Variants in TNFRSF11A observed in about 807,000 individuals in gnomAD.
The protein encoded by TNFRSF11A is tumor necrosis factor receptor superfamily member 11A.
Under a neutral mutation model 55.7 loss-of-function variants are expected in TNFRSF11A, and 32 were observed. That is an observed-to-expected ratio of 0.57 (90% CI 0.43 to 0.77). The LOEUF (loss-of-function observed/expected upper bound fraction) is 0.77. Ranked by LOEUF, TNFRSF11A falls within the 30% of genes least tolerant of loss-of-function variation. TNFRSF11A has a pLI of 0.00. For missense variants in TNFRSF11A, 753 were observed against 809.8 expected (o/e 0.93, Z 0.85); for synonymous variants, 311 against 331.0 (o/e 0.94, Z 0.65).
chr18:62,340,380 G>A (rs1015723636), intron 1 of TNFRSF11A, among the ~76,000 whole-genome samples: 2 of 151,864 alleles, frequency 1.3e-5, no homozygotes, highest in Non-Finnish European at 2.9e-5. Context: ...TACCACACTT[G>A]GATAATTTTT....
At chr18:62,344,137 G>T (rs879800917) in intron 1 of TNFRSF11A, among the ~76,000 whole-genome samples, 1 of 152,160 alleles carries the variant, frequency 6.6e-6, no homozygotes, top group Non-Finnish European at 1.5e-5. Context: ...AAAGATGGCC[G>T]GTAACATGGG....
chr18:62,331,206 GTAAATAAATAAATAAATAGTAAA>G (rs1315484198), intron 1 of TNFRSF11A, among the ~76,000 whole-genome samples: 6 of 137,276 alleles, frequency 4.4e-5, no homozygotes, highest in Admixed American at 3.9e-4. Context: ...CCATCCCAAA[GTAAATAAATAAATAAATAGTAAA>G]TAAATAAATA....
At position 62,388,992 on chromosome 18, in the gene TNFRSF11A, GTC is replaced by G. The variant is rs1911891706; in HGVS notation, c.*3962_*3963del. ...GTTTTGAGTTGTTTGCTCTTTGACA[GTC>G]TCTGATGGCATGTGAGTCTGGTGCA... On this transcript the variant is annotated 3_prime_UTR_variant, in exon 10 of 10. Coordinates refer to ENST00000586569, the MANE Select transcript of TNFRSF11A (RefSeq NM_003839.4). 1 of 152,342 alleles carries G rather than the reference GTC, an allele frequency of 6.6e-6. No individual in the cohort carries two copies. The allele number at this position is 152,342 out of a possible 1,614,324, so 9.4% of individuals were successfully genotyped here. A position where few individuals can be genotyped will look rare whatever the true frequency, so the allele number is the denominator to read the frequency against.
intron 1 of TNFRSF11A, among the ~76,000 whole-genome samples, chr18:62,336,055 AC>A (rs1395973709): frequency 6.6e-6 from 1 of 152,098 alleles, no homozygotes; most frequent in Non-Finnish European, 1.5e-5. Context: ...TTCTTCCTAT[AC>A]CCCCATTCAT....
chr18:62,369,236 C>G lies in TNFRSF11A; in HGVS notation c.1319C>G (p.Pro440Arg), dbSNP rs773622232. 1 of 1,613,694 alleles carries G rather than the reference C, an allele frequency of 6.2e-7. No homozygotes were observed. The highest frequency in any genetic ancestry group is 1.7e-5 in the Admixed American group (1 of 60,036). ...HCPHWAASPSPNWADVCTGCR... is the reference protein window; with the variant it reads ...HCPHWAASPSRNWADVCTGCR... The stretch of plus-strand genomic sequence containing the variant: ...CCGCACTGGGCAGCCAGCCCCAGCC[C>G]CAACTGGGCAGATGTCTGCACAGGC... Residue 440 changes from proline to arginine, a missense_variant, in exon 9 of 10, where the codon CCC (proline) becomes CGC (arginine). Around this residue, in one of 3 missense-constraint regions of TNFRSF11A, gnomAD observed 567 missense variants for 596.7 expected, o/e 0.95. Coordinates refer to ENST00000586569, the MANE Select transcript of TNFRSF11A (RefSeq NM_003839.4).
chr18:62,330,844 A>AT (rs1400546893), intron 1 of TNFRSF11A: 1 of 152,280 alleles, frequency 6.6e-6, no homozygotes, highest in Non-Finnish European at 1.5e-5. Context: ...TTTACAACCA[A>AT]TTAATCACAA....
At chr18:62,379,305 A>G (rs1195394882) in intron 9 of TNFRSF11A, among the ~76,000 whole-genome samples, 1 of 152,168 alleles carries the variant, frequency 6.6e-6, no homozygotes, top group Admixed American at 6.5e-5. Context: ...TAGCACACTG[A>G]TTATTCACAA....
chr18:62,341,075 G>T (rs867224472), intron 1 of TNFRSF11A, among the ~76,000 whole-genome samples: 1 of 152,212 alleles, frequency 6.6e-6, no homozygotes, highest in South Asian at 2.1e-4. Flanking sequence ...TAGGATATTC[G>T]ATCATAATTC....
At chr18:62,354,321 G>A (rs1314933015) in intron 3 of TNFRSF11A, 70 bp from the exon 4 acceptor site, 4 of 1,473,632 alleles carry the variant, frequency 2.7e-6, no homozygotes, top group Non-Finnish European at 2.7e-6. Context: ...GTTGGATAGC[G>A]CAGTCGTGGG....
At position 62,383,384 on chromosome 18, in the gene TNFRSF11A, C is replaced by A. The variant is rs1221356235; in HGVS notation, c.1568-1367C>A. 6.6e-5 allele frequency among the ~76,000 whole-genome samples: 10 copies of A among 152,146 alleles called. No homozygotes were observed. The highest frequency in any genetic ancestry group is 1.5e-4 in the Non-Finnish European group (10 of 68,036). ...TTTTAGTCAGGCCATCCAAAACATG[C>A]CTTCCAAATTCGAGGAAAATCTCGT... is the stretch of plus-strand genomic sequence containing the variant. On this transcript the variant is annotated intron_variant, in intron 9 of 9. Coordinates refer to ENST00000586569, the MANE Select transcript of TNFRSF11A (RefSeq NM_003839.4). This position sits in a 1 kb window ranked among gnomAD's most constrained non-coding sequence, Gnocchi z 4.2.
At chr18:62,363,365 C>CTT (rs386387923) in intron 7 of TNFRSF11A, among the ~76,000 whole-genome samples, 12,004 of 106,628 alleles carry the variant, frequency 0.11, 971 homozygotes, top group Non-Finnish European at 0.16. Flanking sequence ...AGTGATGACC[C>CTT]TTTTTTTTTT....
intron 1 of TNFRSF11A, among the ~76,000 whole-genome samples, chr18:62,332,801 C>A (rs1327853935): frequency 6.6e-6 from 1 of 152,028 alleles, no homozygotes; most frequent in Admixed American, 6.6e-5. Flanking sequence ...CCAAACCAAA[C>A]AAAACCCACC....
At chr18:62,340,187 G>A (rs1244894415) in intron 1 of TNFRSF11A, among the ~76,000 whole-genome samples, 2 of 151,652 alleles carry the variant, frequency 1.3e-5, no homozygotes, top group Admixed American at 1.3e-4. Context: ...ATGAGACTCT[G>A]TATCAGAAAA....
In TNFRSF11A at chr18:62,325,660, A is replaced by G. The variant is rs1027751948; in HGVS notation, c.75+233A>G. On this transcript the variant is annotated intron_variant, in intron 1 of 9. Coordinates refer to ENST00000586569, the MANE Select transcript of TNFRSF11A (RefSeq NM_003839.4). The surrounding 1 kb of genome is among the most constrained non-coding windows in gnomAD (Gnocchi z 4.7). ...AGAAGGAGCAGGTTGGCGGGACCGC[A>G]ACACCCGAAACGGGCTCTTCCAAAA... is the stretch of plus-strand genomic sequence containing the variant. 1.3e-5 allele frequency among the ~76,000 whole-genome samples: 2 copies of G among 152,180 alleles called. No individual in the cohort carries two copies. Among genetic ancestry groups the G allele is most frequent in the Non-Finnish European group, 2.9e-5 (2 of 68,022 alleles).
At chr18:62,368,579 T>G in intron 8 of TNFRSF11A, 122 bp from the exon 9 acceptor site, 1 of 1,040,830 alleles carries the variant, frequency 9.6e-7, no homozygotes, top group Non-Finnish European at 1.5e-6. Flanking sequence ...TAGTCAGTTT[T>G]CCATCTGTAC....
chr18:62,348,129 C>CTG, intron 1 of TNFRSF11A, 39 bp from the exon 2 acceptor site: 2 of 1,433,396 alleles, frequency 1.4e-6, no homozygotes, highest in Non-Finnish European at 2.0e-6. Context: ...CCAGAAAGAG[C>CTG]TGTGTGGACT....
In TNFRSF11A at chr18:62,325,426, A is replaced by T. The variant is rs1342509495; in HGVS notation, c.74A>T (p.Gln25Leu). 7.2e-6 allele frequency: 9 copies of T among 1,247,832 alleles called. No homozygotes were observed. Among genetic ancestry groups the T allele is most frequent in the Admixed American group, 3.3e-5 (1 of 30,124 alleles). 77.3% of individuals were successfully genotyped at this position (1,247,832 alleles called of 1,614,324 possible). ...LLLCALLARLQVALQIAPPCT... is the reference protein window; with the variant it reads ...LLLCALLARLLVALQIAPPCT... Reference sequence around the variant, plus strand: ...CTCTGCGCGCTGCTCGCCCGGCTGCAGGTAAGGAGCGCCCGCGCCTGCCGG... The same window carrying T: ...CTCTGCGCGCTGCTCGCCCGGCTGCTGGTAAGGAGCGCCCGCGCCTGCCGG... Residue 25 changes from glutamine to leucine, a missense_variant and splice_region_variant, in exon 1 of 10, where the codon CAG becomes CTG. Gln to Leu is a moderately radical substitution (Grantham distance 113). Around this residue, in one of 3 missense-constraint regions of TNFRSF11A, gnomAD observed 156 missense variants for 155.1 expected, o/e 1.01. Transcript: ENST00000586569. The surrounding 1 kb of genome is among the most constrained non-coding windows in gnomAD (Gnocchi z 4.7).
At chr18:62,359,723 C>G (rs530199665) in intron 5 of TNFRSF11A, among the ~76,000 whole-genome samples, 1 of 152,156 alleles carries the variant, frequency 6.6e-6, no homozygotes, top group Non-Finnish European at 1.5e-5. Context: ...CTTTGCTGAC[C>G]GCAATCTCAG....
intron 5 of TNFRSF11A, among the ~76,000 whole-genome samples, chr18:62,359,608 G>A (rs1037738749): frequency 6.6e-6 from 1 of 152,064 alleles, no homozygotes; most frequent in Non-Finnish European, 1.5e-5. Flanking sequence ...CTAATTCCTG[G>A]GCTCAAGCAA....
Sources: allele counts gnomAD v4.1 joint callset (sites outside exome capture counted in the v4.1 genomes callset), GRCh38; gene constraint gnomAD v4.1.1; regional missense constraint gnomAD v4.1.1; non-coding constraint Gnocchi (gnomAD v3.1); transcripts MANE v1.5; gene names NCBI Gene and HGNC (gene_info 2026-07-23, HGNC 2026-07-21).